Variants in SLC7A14 observed in about 807,000 individuals in gnomAD.
SLC7A14 encodes the protein gamma-aminobutyric acid transporter SLC7A14.
A neutral mutation model predicts 60.2 loss-of-function variants in SLC7A14; 37 were observed. The observed-to-expected ratio is 0.61, with a 90% confidence interval of 0.47 to 0.81. The LOEUF (loss-of-function observed/expected upper bound fraction) is 0.81, where lower values mean the gene tolerates loss of function less well. Ranked by LOEUF, SLC7A14 falls within the 30% of genes least tolerant of loss-of-function variation. The probability of loss-of-function intolerance (pLI) is 0.00; values close to 1 mark genes in which losing one functional copy is unlikely to be tolerated. For missense variants in SLC7A14, 886 were observed against 982.7 expected, an observed-to-expected ratio of 0.90 and a Z score of 1.32; for synonymous variants, 399 against 395.8, an observed-to-expected ratio of 1.01 and a Z score of -0.10.
intron 2 of SLC7A14, among the ~76,000 whole-genome samples, chr3:170,515,321 A>C (rs200928823): frequency 0.19 from 12,594 of 64,880 alleles, 1,563 homozygotes; most frequent in African/African-American, 0.46. Context: ...CGCCCCCCCC[A>C]AAAAAAAAAT....
intron 4 of SLC7A14, among the ~76,000 whole-genome samples, chr3:170,492,429 T>C (rs1712251100): frequency 6.6e-6 from 1 of 152,128 alleles, no homozygotes; most frequent in Admixed American, 6.6e-5. Context: ...TACTTGAGCC[T>C]GGGAGGTTGA....
At chr3:170,488,327 G>A (rs912972081) in intron 4 of SLC7A14, among the ~76,000 whole-genome samples, 3 of 152,030 alleles carry the variant, frequency 2.0e-5, no homozygotes, top group African/African-American at 7.2e-5. Context: ...GAGAACTCCT[G>A]CTTTCCCTAC....
chr3:170,470,542 C>T (rs887114895), intron 7 of SLC7A14, among the ~76,000 whole-genome samples: 2 of 152,194 alleles, frequency 1.3e-5, no homozygotes, highest in Non-Finnish European at 1.5e-5. Context: ...AAGAAACGAC[C>T]GTGTGCATGC....
chr3:170,544,996 A>G (rs948878518), intron 1 of SLC7A14, among the ~76,000 whole-genome samples: 1 of 152,252 alleles, frequency 6.6e-6, no homozygotes, highest in African/African-American at 2.4e-5. Context: ...GCTATTGAAC[A>G]CTTGAAATGT....
chr3:170,489,817 G>A (rs938156369), intron 4 of SLC7A14, among the ~76,000 whole-genome samples: 9 of 152,174 alleles, frequency 5.9e-5, no homozygotes, highest in African/African-American at 1.4e-4. Context: ...AGATCTTTAT[G>A]TTAAGCAAAA....
intron 1 of SLC7A14, among the ~76,000 whole-genome samples, chr3:170,555,110 G>A (rs1714452553): frequency 6.6e-6 from 1 of 151,894 alleles, no homozygotes; most frequent in South Asian, 2.1e-4. Context: ...GGAGGTTGCA[G>A]TGAGCCAAGA....
chr3:170,518,352 T>C (rs1713236855), intron 2 of SLC7A14, among the ~76,000 whole-genome samples: 3 of 152,230 alleles, frequency 2.0e-5, no homozygotes, highest in African/African-American at 7.2e-5. Context: ...ATTGTTTCAA[T>C]AGTTTCTCTA....
intron 5 of SLC7A14, among the ~76,000 whole-genome samples, chr3:170,485,536 G>T (rs1370599551): frequency 6.6e-6 from 1 of 152,118 alleles, no homozygotes; most frequent in African/African-American, 2.4e-5. Context: ...GGATGCAGCT[G>T]GGCTATTTCT....
intron 2 of SLC7A14, among the ~76,000 whole-genome samples, chr3:170,522,642 G>A (rs919771941): frequency 6.6e-6 from 1 of 152,216 alleles, no homozygotes; most frequent in Non-Finnish European, 1.5e-5. Context: ...GGAGTGGGAG[G>A]AGGGATTAAC....
In SLC7A14 at chr3:170,466,267, T is replaced by A. The variant is rs1560244992; in HGVS notation, c.*788A>T. The A allele has an allele frequency of 6.6e-6, 1 of 152,224 alleles. No individual in the cohort carries two copies. The allele number at this position is 152,224 out of a possible 1,614,324, so 9.4% of individuals were successfully genotyped here. On this transcript the variant is annotated 3_prime_UTR_variant, in exon 8 of 8. Transcript: ENST00000231706. ...TCCACCTTTGCCCGCTTTCATCATA[T>A]CACCAGGAGCTGCAGTCTGATATAA...
intron 1 of SLC7A14, among the ~76,000 whole-genome samples, chr3:170,551,899 A>G (rs533807833): frequency 1.1e-4 from 17 of 152,156 alleles, no homozygotes; most frequent in Non-Finnish European, 2.2e-4. Context: ...GAAGTGCAAA[A>G]GTTTTTTGGA....
At chr3:170,519,393 C>T (rs1010175459) in intron 2 of SLC7A14, among the ~76,000 whole-genome samples, 1 of 152,202 alleles carries the variant, frequency 6.6e-6, no homozygotes, top group African/African-American at 2.4e-5. Context: ...CTATACTTCT[C>T]AGCCTCAATG....
At chr3:170,521,668 A>G (rs565245644) in intron 2 of SLC7A14, among the ~76,000 whole-genome samples, 1 of 152,350 alleles carries the variant, frequency 6.6e-6, no homozygotes, top group South Asian at 2.1e-4. Context: ...CATGCCTGTA[A>G]GCCCAGCACT....
At chr3:170,493,947 G>A (rs1712302915) in intron 4 of SLC7A14, among the ~76,000 whole-genome samples, 2 of 152,310 alleles carry the variant, frequency 1.3e-5, no homozygotes, top group South Asian at 4.1e-4. Flanking sequence ...TAGGGATAAT[G>A]GAATTGCAGC....
intron 5 of SLC7A14, among the ~76,000 whole-genome samples, chr3:170,484,692 CA>C (rs1711960965): frequency 6.6e-6 from 1 of 152,172 alleles, no homozygotes; most frequent in African/African-American, 2.4e-5. Flanking sequence ...TAGCAAAGCC[CA>C]GCAACCTTGT....
chr3:170,519,484 G>A (rs1713276921), intron 2 of SLC7A14, among the ~76,000 whole-genome samples: 3 of 152,198 alleles, frequency 2.0e-5, no homozygotes, highest in Admixed American at 2.0e-4. Context: ...CTTGAAAAGA[G>A]GACAGAAAGG....
At position 170,563,413 on chromosome 3, in the gene SLC7A14, G is replaced by T. The variant is rs1195656541; in HGVS notation, c.-153+22498C>A. 2.4e-4 allele frequency among the ~76,000 whole-genome samples: 27 copies of T among 111,314 alleles called. No homozygotes were observed. In the South Asian group the frequency reaches 3.4e-3, roughly 14 times the overall value. The allele number at this position is 111,314 out of a possible 152,430, so 73.0% of individuals were successfully genotyped here. On this transcript the variant is annotated intron_variant, in intron 1 of 7. Transcript: ENST00000231706. ...TCAGTTCAACAAACACTGTTTGTTTGTTTGTTTTTTTTTTTTTTTTTTGAG... is the reference window on the plus strand; with the variant it reads ...TCAGTTCAACAAACACTGTTTGTTTTTTTGTTTTTTTTTTTTTTTTTTGAG...
At chr3:170,574,641 T>C (rs1382748631) in intron 1 of SLC7A14, among the ~76,000 whole-genome samples, 2 of 152,182 alleles carry the variant, frequency 1.3e-5, no homozygotes, top group African/African-American at 4.8e-5. Flanking sequence ...CTTAATGTGA[T>C]AGATGGGCCA....
At chr3:170,495,899 G>C in intron 4 of SLC7A14, 7 of 1,427,732 alleles carry the variant, frequency 4.9e-6, no homozygotes, top group Non-Finnish European at 6.9e-6. Flanking sequence ...CTCTGGGCTA[G>C]GAGAAGCTGA....
Sources: allele counts gnomAD v4.1 joint callset (sites outside exome capture counted in the v4.1 genomes callset), GRCh38; gene constraint gnomAD v4.1.1; transcripts MANE v1.5; gene names NCBI Gene and HGNC (gene_info 2026-07-23, HGNC 2026-07-21).